CMTM4: variants seen among roughly 807,000 people sequenced by gnomAD.
CMTM4 encodes CKLF like MARVEL transmembrane domain containing 4, also known as CKLF-like MARVEL transmembrane domain-containing protein 4.
Under a neutral mutation model 19.0 loss-of-function variants are expected in CMTM4, and 8 were observed. That is an observed-to-expected ratio of 0.42 (90% CI 0.25 to 0.76). CMTM4 has a LOEUF of 0.76. Among genes scored for constraint, CMTM4 ranks in the 30% least tolerant of loss-of-function variants. The pLI is 0.27. For missense variants in CMTM4, 228 were observed against 290.2 expected (o/e 0.79, Z 1.56); for synonymous variants, 106 against 121.1 (o/e 0.88, Z 0.82).
At chr16:66,628,309 G>T (rs896061523) in intron 2 of CMTM4, among the ~76,000 whole-genome samples, 1 of 152,156 alleles carries the variant, frequency 6.6e-6, no homozygotes, top group Non-Finnish European at 1.5e-5. Context: ...GACCCTTTAC[G>T]GGTGTCGGGC....
intron 1 of CMTM4, among the ~76,000 whole-genome samples, chr16:66,644,854 C>A (rs2016161642): frequency 6.6e-6 from 1 of 152,200 alleles, no homozygotes; most frequent in Admixed American, 6.5e-5. Context: ...AACTGAGGTA[C>A]CCTTTTCATC....
intron 1 of CMTM4, among the ~76,000 whole-genome samples, chr16:66,642,975 G>T (rs1295029585): frequency 1.3e-5 from 2 of 152,180 alleles, no homozygotes; most frequent in Non-Finnish European, 2.9e-5. Context: ...AGGCTGGAAT[G>T]CAGTGGTGAG....
chr16:66,677,163 G>T (rs931263577), intron 1 of CMTM4, among the ~76,000 whole-genome samples: 1 of 152,240 alleles, frequency 6.6e-6, no homozygotes, highest in Non-Finnish European at 1.5e-5. Flanking sequence ...TTGGGACGAG[G>T]AAGGTTGAGG....
At chr16:66,665,262 TAAAAAAAAAAAAAA>T (rs71145929) in intron 1 of CMTM4, among the ~76,000 whole-genome samples, 2 of 59,710 alleles carry the variant, frequency 3.3e-5, no homozygotes, top group East Asian at 7.6e-4. Context: ...CCCTGTTTCT[TAAAAAAAAAAAAAA>T]AAAAAAAAAA....
In CMTM4 at chr16:66,620,236, A is replaced by AGAT. The variant is rs763249447; in HGVS notation, c.*1819_*1821dup. 1.4e-5 allele frequency: 14 copies of AGAT among 985,292 alleles called. No homozygotes were observed. The highest frequency in any genetic ancestry group is 1.7e-5 in the African/African-American group (1 of 57,230). The allele number at this position is 985,292 out of a possible 1,614,324, so 61.0% of individuals were successfully genotyped here. On this transcript the variant is annotated 3_prime_UTR_variant, in exon 4 of 4. Coordinates refer to ENST00000394106, the MANE Select transcript of CMTM4 (RefSeq NM_181521.3). ...TATTTTAAAAGGAACTCTCAAAGAG[A>AGAT]GATAAGCCCAATTTTGACTTTGCAA...
intron 1 of CMTM4, among the ~76,000 whole-genome samples, chr16:66,664,458 A>G (rs2016556027): frequency 6.6e-6 from 1 of 152,182 alleles, no homozygotes; most frequent in African/African-American, 2.4e-5. Flanking sequence ...ATGATGGTTA[A>G]GAGCAAAATC....
chr16:66,667,163 A>C, intron 1 of CMTM4, among the ~76,000 whole-genome samples: 1 of 152,072 alleles, frequency 6.6e-6, no homozygotes, highest in East Asian at 1.9e-4. Context: ...CATCTCTGCT[A>C]AAAATACAAA....
chr16:66,599,704 T>C, the CMTM4 span, among the ~76,000 whole-genome samples: 1 of 152,228 alleles, frequency 6.6e-6, no homozygotes, highest in African/African-American at 2.4e-5. Flanking sequence ...ATTTAGTTCA[T>C]CCCTAAAGAA....
intron 1 of CMTM4, among the ~76,000 whole-genome samples, chr16:66,664,920 G>C (rs952389683): frequency 6.6e-5 from 10 of 151,912 alleles, no homozygotes; most frequent in African/African-American, 1.7e-4. Flanking sequence ...CTTGAGGCCA[G>C]GAGTTCAAGG....
At chr16:66,607,882 T>A in the CMTM4 span, among the ~76,000 whole-genome samples, 1 of 151,270 alleles carries the variant, frequency 6.6e-6, no homozygotes, top group Non-Finnish European at 1.5e-5. Context: ...TCTCTCTCTC[T>A]CACCCAGGAT....
the CMTM4 span, among the ~76,000 whole-genome samples, chr16:66,607,869 GTC>G: frequency 4.6e-5 from 7 of 150,880 alleles, no homozygotes; most frequent in East Asian, 2.0e-4. Context: ...TGCGGACAGG[GTC>G]TCTCTCTCTC....
intron 1 of CMTM4, among the ~76,000 whole-genome samples, chr16:66,653,454 G>A (rs568151512): frequency 6.6e-6 from 1 of 152,258 alleles, no homozygotes; most frequent in African/African-American, 2.4e-5. Context: ...AGTGAGCTAA[G>A]GGTTAGCAGT....
the CMTM4 span, chr16:66,608,238 C>A: frequency 2.6e-6 from 4 of 1,551,936 alleles, no homozygotes; most frequent in East Asian, 6.7e-5. The surrounding 1 kb of genome is among the most constrained non-coding windows in gnomAD (Gnocchi z 5.1). Context: ...GACCACAGGG[C>A]CTGGCTCAGA....
At chr16:66,674,354 T>C (rs899307967) in intron 1 of CMTM4, among the ~76,000 whole-genome samples, 2 of 152,178 alleles carry the variant, frequency 1.3e-5, no homozygotes, top group African/African-American at 4.8e-5. Flanking sequence ...TATCTGCTCC[T>C]GGCAACTCAG....
At chr16:66,609,341 G>T in the CMTM4 span, 3 of 1,084,580 alleles carry the variant, frequency 2.8e-6, no homozygotes, top group Non-Finnish European at 2.7e-6. The surrounding 1 kb of genome is among the most constrained non-coding windows in gnomAD (Gnocchi z 4.4). Context: ...CAGGTGCTAG[G>T]CCTGGGGCTG....
Position 66,636,601 on chromosome 16 carries a change from CAT to C in CMTM4, c.187-22_187-21del. 2.5e-6 allele frequency: 4 copies of C among 1,603,760 alleles called. No homozygotes were observed. The highest frequency in any genetic ancestry group is 2.2e-5 in the East Asian group (1 of 44,826). ...CAAGATCTAGGAAGAAAATTGGAAA[CAT>C]ATATGTACGTATATGTTTAGTATAC... On this transcript the variant is annotated intron_variant, in intron 1 of 3. Coordinates refer to ENST00000394106, the MANE Select transcript of CMTM4 (RefSeq NM_181521.3).
intron 2 of CMTM4, among the ~76,000 whole-genome samples, chr16:66,634,689 T>C (rs57912912): frequency 0.025 from 3,768 of 152,102 alleles, 159 homozygotes; most frequent in African/African-American, 0.087. Flanking sequence ...ATTGCTGCAC[T>C]GGCCACAGCG....
intron 1 of CMTM4, among the ~76,000 whole-genome samples, chr16:66,692,898 C>T (rs1235786969): frequency 1.4e-5 from 2 of 147,822 alleles, no homozygotes; most frequent in Admixed American, 6.8e-5. Flanking sequence ...CAGAGCAAGA[C>T]TCCATCTCAA....
intron 1 of CMTM4, among the ~76,000 whole-genome samples, chr16:66,680,383 G>A (rs183220892): frequency 6.6e-6 from 1 of 151,734 alleles, no homozygotes; most frequent in African/African-American, 2.4e-5. Context: ...GGAGGCTGAG[G>A]CCCGAGAATT....
Sources: allele counts gnomAD v4.1 joint callset (sites outside exome capture counted in the v4.1 genomes callset), GRCh38; gene constraint gnomAD v4.1.1; non-coding constraint Gnocchi (gnomAD v3.1); transcripts MANE v1.5; gene names NCBI Gene and HGNC (gene_info 2026-07-23, HGNC 2026-07-21).